Variants in ZNF616 observed in about 807,000 individuals in gnomAD.
The protein encoded by ZNF616 is zinc finger protein 616.
ZNF616 carries 5 observed loss-of-function variants against 7.6 expected under a neutral mutation model. The observed-to-expected ratio is 0.66, with a 90% CI of 0.34 to 1.38. The LOEUF is 1.38. ZNF616 is among the 40% of genes most tolerant of loss of function. ZNF616 has a pLI of 0.04. For missense variants in ZNF616, 913 were observed against 948.3 expected, an observed-to-expected ratio of 0.96 and a Z score of 0.49; for synonymous variants, 319 against 317.2, an observed-to-expected ratio of 1.01 and a Z score of -0.06.
In ZNF616 at chr19:52,114,581, C is replaced by A; in HGVS notation, c.*237G>T. Reference sequence around the variant, plus strand: ...GGGCAAGCGACAGGGAAGTGCTATGCACTTCTAAACAGCCAGACCTCAAGA... The same window carrying A: ...GGGCAAGCGACAGGGAAGTGCTATGAACTTCTAAACAGCCAGACCTCAAGA... On this transcript the variant is annotated 3_prime_UTR_variant, in exon 4 of 4. Transcript: ENST00000600228. 2.2e-6 allele frequency: 1 copy of A among 455,040 alleles called. No homozygotes were observed. The highest frequency in any genetic ancestry group is 3.9e-6 in the Non-Finnish European group (1 of 259,074). 28.2% of individuals were successfully genotyped at this position (455,040 alleles called of 1,614,324 possible). A position where few individuals can be genotyped will look rare whatever the true frequency, so the allele number is the denominator to read the frequency against.
intron 2 of ZNF616, among the ~76,000 whole-genome samples, chr19:52,124,434 G>A (rs1297743535): frequency 2.0e-5 from 3 of 152,234 alleles, no homozygotes; most frequent in Admixed American, 6.5e-5. Flanking sequence ...AAACTGTGAT[G>A]ACCAGAGCAA....
rs2088795167 is a variant in ZNF616, at chr19:52,114,355, A to G, written c.*463T>C. ...GTATATTTACTGCATGTGTAAATGTATTAGGTCATAACTGCATTGCTACAA... is the reference window on the plus strand; with the variant it reads ...GTATATTTACTGCATGTGTAAATGTGTTAGGTCATAACTGCATTGCTACAA... On this transcript the variant is annotated 3_prime_UTR_variant, in exon 4 of 4. Transcript: ENST00000600228. 1 of 156,202 alleles carries G rather than the reference A, an allele frequency of 6.4e-6. No homozygotes were observed. Among genetic ancestry groups the G allele is most frequent in the Non-Finnish European group, 1.4e-5 (1 of 70,794 alleles). The allele number at this position is 156,202 out of a possible 1,614,324, so 9.7% of individuals were successfully genotyped here.
chr19:52,128,338 C>CTTTGCTCAGTTT (rs2088927652), intron 2 of ZNF616, among the ~76,000 whole-genome samples: 1 of 152,054 alleles, frequency 6.6e-6, no homozygotes, highest in African/African-American at 2.4e-5. Flanking sequence ...AATTTTCATT[C>CTTTGCTCAGTTT]TTTGCTCAGT....
In ZNF616 at chr19:52,115,468, C is replaced by T; in HGVS notation, c.1696G>A (p.Val566Met). ...TCTCCACTATGAATTCTCCGATGCA[C>T]TGTAAGACGTGAACATTGACTGAAG... ...KVFSQCSRLT[V>M]HRRIHSGEKP... The change falls in exon 4 of 4, where the codon GTG (valine) becomes ATG (methionine). Residue 566 changes from valine (V) to methionine (M), a missense_variant. Transcript: ENST00000600228. 1 of 1,614,116 alleles carries T rather than the reference C, an allele frequency of 6.2e-7. No individual in the cohort carries two copies. The highest frequency in any genetic ancestry group is 1.1e-5 in the South Asian group (1 of 91,084).
intron 2 of ZNF616, among the ~76,000 whole-genome samples, chr19:52,129,544 C>G (rs977638180): frequency 6.6e-6 from 1 of 152,094 alleles, no homozygotes; most frequent in African/African-American, 2.4e-5. Flanking sequence ...TGGTAAGAGT[C>G]CCCGCAGGAA....
At position 52,114,708 on chromosome 19, in the gene ZNF616, C is replaced by T. The variant is rs941815361; in HGVS notation, c.*110G>A. The T allele has an allele frequency of 1.5e-6, 2 of 1,330,866 alleles. No individual in the cohort carries two copies. The highest frequency in any genetic ancestry group is 2.0e-6 in the Non-Finnish European group (2 of 983,064). 82.4% of individuals were successfully genotyped at this position (1,330,866 alleles called of 1,614,324 possible). ...TCAATCACCTCCCAATGGGCCCCAC[C>T]TCCAATACTGGAGATTACAATTCCA... On this transcript the variant is annotated 3_prime_UTR_variant, in exon 4 of 4. Coordinates refer to ENST00000600228, the MANE Select transcript of ZNF616 (RefSeq NM_178523.5).
intron 1 of ZNF616, among the ~76,000 whole-genome samples, chr19:52,136,093 G>C (rs1001594077): frequency 1.0e-4 from 13 of 124,546 alleles, no homozygotes; most frequent in African/African-American, 3.3e-4. Context: ...TGGCGCCCCT[G>C]CACTCCAGTC....
At chr19:52,121,244 G>A (rs777024539) in intron 3 of ZNF616, among the ~76,000 whole-genome samples, 10 of 152,208 alleles carry the variant, frequency 6.6e-5, no homozygotes, top group African/African-American at 1.4e-4. Flanking sequence ...TAGTAGCGAC[G>A]CGGTTTCGCC....
intron 1 of ZNF616, among the ~76,000 whole-genome samples, chr19:52,137,518 A>G (rs955618936): frequency 6.6e-6 from 1 of 152,202 alleles, no homozygotes; most frequent in Non-Finnish European, 1.5e-5. Flanking sequence ...GCGATATAAG[A>G]CTGACACACA....
At chr19:52,135,377 C>T (rs1165252659) in intron 1 of ZNF616, among the ~76,000 whole-genome samples, 1 of 152,206 alleles carries the variant, frequency 6.6e-6, no homozygotes, top group African/African-American at 2.4e-5. Context: ...AAACAGATGT[C>T]TCCAATGATG....
rs771862275 is a variant in ZNF616 at position 52,114,698 on chromosome 19, T to A, written c.*120A>T. 2 of 1,201,982 alleles carry A rather than the reference T, an allele frequency of 1.7e-6. No homozygotes were observed. Among genetic ancestry groups the A allele is most frequent in the African/African-American group, 3.1e-5 (2 of 65,044 alleles). The allele number at this position is 1,201,982 out of a possible 1,614,324, so 74.5% of individuals were successfully genotyped here. A position where few individuals can be genotyped will look rare whatever the true frequency, so the allele number is the denominator to read the frequency against. On this transcript the variant is annotated 3_prime_UTR_variant, in exon 4 of 4. Coordinates refer to ENST00000600228, the MANE Select transcript of ZNF616 (RefSeq NM_178523.5). ...CTTCCATGATTCAATCACCTCCCAA[T>A]GGGCCCCACCTCCAATACTGGAGAT...
intron 2 of ZNF616, among the ~76,000 whole-genome samples, chr19:52,129,271 C>T (rs2088937330): frequency 6.6e-6 from 1 of 152,136 alleles, no homozygotes; most frequent in South Asian, 2.1e-4. Flanking sequence ...AAGAGCGAGA[C>T]TCCGTACAAA....
rs551380908 is a variant in ZNF616 at position 52,123,283 on chromosome 19, T to A, written c.139+640A>T. 2.6e-5 allele frequency among the ~76,000 whole-genome samples: 4 copies of A among 152,206 alleles called. No homozygotes were observed. The South Asian group carries it at 8.3e-4, about 32-fold the overall frequency. ...ACAAATTATGTGGACTTAAAAAATA[T>A]AAGCTTTGGCCGGGCGTGGTGGCTC... On this transcript the variant is annotated intron_variant, in intron 3 of 3. Coordinates refer to ENST00000600228, the MANE Select transcript of ZNF616 (RefSeq NM_178523.5).
intron 2 of ZNF616, among the ~76,000 whole-genome samples, chr19:52,126,545 A>T (rs1368640819): frequency 1.3e-5 from 2 of 151,866 alleles, no homozygotes; most frequent in African/African-American, 4.8e-5. Context: ...AGGTAGGCAG[A>T]TCACCTGAGG....
chr19:52,117,555 C>T (rs2088836081), intron 3 of ZNF616, among the ~76,000 whole-genome samples: 1 of 151,960 alleles, frequency 6.6e-6, no homozygotes, highest in Non-Finnish European at 1.5e-5. Flanking sequence ...ATACAATATA[C>T]AATATACTTA....
At position 52,130,412 on chromosome 19, in the gene ZNF616, T is replaced by G. The variant is rs151055477; in HGVS notation, c.12+89A>C. 2.2e-3 allele frequency: 2,655 copies of G among 1,199,072 alleles called. 38 individuals carry two copies. Among genetic ancestry groups the G allele is most frequent in the African/African-American group, 9.8e-3 (660 of 67,160 alleles). 74.3% of individuals were successfully genotyped at this position (1,199,072 alleles called of 1,614,324 possible). ...GGACACTTCAGACTCAGAGAAGATTTGCAACTCCGACGCCCTGTACTTCAC... is the reference window on the plus strand; with the variant it reads ...GGACACTTCAGACTCAGAGAAGATTGGCAACTCCGACGCCCTGTACTTCAC... On this transcript the variant is annotated intron_variant, in intron 2 of 3. Coordinates refer to ENST00000600228, the MANE Select transcript of ZNF616 (RefSeq NM_178523.5).
rs751164270 is a variant in ZNF616 at position 52,115,378 on chromosome 19, G to A, written c.1786C>T (p.Arg596Ter). ...GGTTTCTCTCCAGTATGAACTCTTC[G>A]ATGCCCTACAAGATGTGAATACTGA... ...YSQYSHLVGH[R>*]RVHTGEKPYK... Residue 596 changes from arginine to a stop codon, truncating the protein, a stop_gained, in exon 4 of 4, where the codon CGA becomes TGA. Transcript: ENST00000600228. LOFTEE classifies it low-confidence loss of function (END_TRUNC). 28 of 1,613,920 alleles carry A rather than the reference G, an allele frequency of 1.7e-5. No individual in the cohort carries two copies. Among genetic ancestry groups the A allele is most frequent in the African/African-American group, 8.0e-5 (6 of 74,876 alleles).
At position 52,117,031 on chromosome 19, in the gene ZNF616, A is replaced by C. The variant is rs1387794710; in HGVS notation, c.140-7T>G. On this transcript the variant is annotated splice_region_variant and splice_polypyrimidine_tract_variant and intron_variant, in intron 3 of 3. Transcript: ENST00000600228. The stretch of plus-strand genomic sequence containing the variant: ...ACACATTTAGGAGAGATACCTGCAA[A>C]ATATAATGAACATGAGTTTTTTTTT... 8 of 1,541,362 alleles carry C rather than the reference A, an allele frequency of 5.2e-6. No individual in the cohort carries two copies. Among genetic ancestry groups the C allele is most frequent in the Non-Finnish European group, 6.1e-6 (7 of 1,151,558 alleles).
chr19:52,117,321 A>T (rs983339294), intron 3 of ZNF616, among the ~76,000 whole-genome samples: 1 of 152,160 alleles, frequency 6.6e-6, no homozygotes, highest in Non-Finnish European at 1.5e-5. Flanking sequence ...TTTGCAACCA[A>T]TGACACCAAA....
Sources: allele counts gnomAD v4.1 joint callset (sites outside exome capture counted in the v4.1 genomes callset), GRCh38; gene constraint gnomAD v4.1.1; transcripts MANE v1.5; gene names NCBI Gene and HGNC (gene_info 2026-07-23, HGNC 2026-07-21).